Variants in VSTM5 observed in about 807,000 individuals in gnomAD.
VSTM5 encodes V-set and transmembrane domain-containing protein 5.
A neutral mutation model predicts 20.3 loss-of-function variants in VSTM5; 21 were observed. The observed-to-expected ratio is 1.03, with a 90% CI of 0.73 to 1.49. VSTM5 has a LOEUF of 1.49. Among genes scored for constraint, VSTM5 ranks in the 40% most tolerant of loss-of-function variants. The probability of loss-of-function intolerance (pLI) is 0.00; values close to 1 mark genes in which losing one functional copy is unlikely to be tolerated. For missense variants in VSTM5, 219 were observed against 250.0 expected (o/e 0.88, Z 0.84); for synonymous variants, 100 against 102.5 (o/e 0.98, Z 0.14).
intron 1 of VSTM5, among the ~76,000 whole-genome samples, chr11:93,841,665 C>T (rs567128976): frequency 1.3e-5 from 2 of 152,296 alleles, no homozygotes; most frequent in South Asian, 2.1e-4. Context: ...GACCTCAGGG[C>T]GAAGAGGACA....
At chr11:93,847,627 C>T (rs2135741684) in intron 1 of VSTM5, among the ~76,000 whole-genome samples, 1 of 152,370 alleles carries the variant, frequency 6.6e-6, no homozygotes, top group Non-Finnish European at 1.5e-5. Context: ...GGATCAAGTA[C>T]TTCCGAATGA....
intron 1 of VSTM5, among the ~76,000 whole-genome samples, chr11:93,828,114 A>G (rs1944253628): frequency 1.3e-5 from 2 of 152,236 alleles, no homozygotes; most frequent in African/African-American, 4.8e-5. Context: ...AATCTTGGCC[A>G]GCAAAATTTA....
rs549228807 is a variant in VSTM5, at chr11:93,845,336, G to A, written c.91+5076C>T. On this transcript the variant is annotated intron_variant, in intron 1 of 3. Coordinates refer to ENST00000409977, the MANE Select transcript of VSTM5 (RefSeq NM_001144871.2). ...GTCAGCTGAGGATTCTCTGCAGCAG[G>A]GCTCCTCTGGGGTCAGCATGGCACG... 2.6e-5 allele frequency among the ~76,000 whole-genome samples: 4 copies of A among 152,278 alleles called. No individual in the cohort carries two copies. The East Asian group carries it at 5.8e-4, about 22-fold the overall frequency.
intron 1 of VSTM5, among the ~76,000 whole-genome samples, chr11:93,850,108 C>T (rs1199276435): frequency 6.6e-6 from 1 of 152,250 alleles, no homozygotes; most frequent in Non-Finnish European, 1.5e-5. Flanking sequence ...GGGCCACCTT[C>T]CAGCTCTGAT....
chr11:93,833,596 G>A (rs1944299695), intron 1 of VSTM5, among the ~76,000 whole-genome samples: 1 of 152,158 alleles, frequency 6.6e-6, no homozygotes, highest in South Asian at 2.1e-4. Context: ...TATGTGGCTT[G>A]CATGTGAGCC....
chr11:93,838,720 C>G lies in VSTM5; in HGVS notation c.91+11692G>C, dbSNP rs545647060. Among the ~76,000 whole-genome samples the G allele has an allele frequency of 6.6e-5, 10 of 151,968 alleles. No homozygotes were observed. In the South Asian group the frequency reaches 1.7e-3, roughly 25 times the overall value. The stretch of plus-strand genomic sequence containing the variant: ...GCTTAGATGGGGAGGATAACTTGAG[C>G]CTGGGAGGTCAAGGCTACAGTGAGC... On this transcript the variant is annotated intron_variant, in intron 1 of 3. Transcript: ENST00000409977.
At chr11:93,846,309 C>G (rs1944410295) in intron 1 of VSTM5, among the ~76,000 whole-genome samples, 1 of 152,174 alleles carries the variant, frequency 6.6e-6, no homozygotes, top group African/African-American at 2.4e-5. Context: ...TTGCCCCGCT[C>G]CTAGACCAGC....
At chr11:93,830,251 C>T (rs1243976787) in intron 1 of VSTM5, among the ~76,000 whole-genome samples, 2 of 152,174 alleles carry the variant, frequency 1.3e-5, no homozygotes, top group Admixed American at 1.3e-4. Context: ...TGGCAGAATT[C>T]ATAATCTTAC....
chr11:93,821,384 A>G (rs1448230239), intron 1 of VSTM5, 61 bp from the exon 2 acceptor site: 1 of 1,393,718 alleles, frequency 7.2e-7, no homozygotes, highest in African/African-American at 1.4e-5. Context: ...AAGTGAACTT[A>G]TATAATTTGT....
At position 93,819,579 on chromosome 11, in the gene VSTM5, CTGACTG is replaced by C. The variant is rs1269625482; in HGVS notation, c.*984_*989del. The C allele has an allele frequency of 2.6e-5, 4 of 152,344 alleles. No homozygotes were observed. The highest frequency in any genetic ancestry group is 7.2e-5 in the African/African-American group (3 of 41,468). 9.4% of individuals were successfully genotyped at this position (152,344 alleles called of 1,614,324 possible). ...CATACTGTGGGCTTCTCTTGATACT[CTGACTG>C]TGAGGTAGGCAAGGGCCAAGCGTTC... On this transcript the variant is annotated 3_prime_UTR_variant, in exon 4 of 4. Coordinates refer to ENST00000409977, the MANE Select transcript of VSTM5 (RefSeq NM_001144871.2).
At position 93,821,197 on chromosome 11, in the gene VSTM5, CA is replaced by C. The variant is rs1408568790; in HGVS notation, c.217del (p.Trp73GlyfsTer40). On this transcript the variant is annotated frameshift_variant, in exon 2 of 4. Transcript: ENST00000409977. LOFTEE classifies it high-confidence loss of function. ...PTIEWTYSSN[W>X]GTQKIVEWKP... ...CCACTCCACGATCTTCTGCGTTCCC[CA>C]ATTGGATGAATATGTCCATTCGATG... is the stretch of plus-strand genomic sequence containing the variant. 1.3e-6 allele frequency: 2 copies of C among 1,552,030 alleles called. No individual in the cohort carries two copies. The highest frequency in any genetic ancestry group is 2.7e-5 in the African/African-American group (2 of 73,020).
rs1341029168 is a variant in VSTM5, at chr11:93,850,617, A to G, written c.-115T>C. 3.5e-6 allele frequency: 1 copy of G among 285,824 alleles called. No homozygotes were observed. The highest frequency in any genetic ancestry group is 3.0e-5 in the African/African-American group (1 of 33,586). The allele number at this position is 285,824 out of a possible 1,614,324, so 17.7% of individuals were successfully genotyped here. A position where few individuals can be genotyped will look rare whatever the true frequency, so the allele number is the denominator to read the frequency against. ...GCTGCCGCAGGTTCTTTAGGGCCAG[A>G]TGCAGATGAGCTGGTTGTACTCTGG... On this transcript the variant is annotated 5_prime_UTR_variant, in exon 1 of 4. Coordinates refer to ENST00000409977, the MANE Select transcript of VSTM5 (RefSeq NM_001144871.2).
At chr11:93,836,586 T>C (rs974841747) in intron 1 of VSTM5, among the ~76,000 whole-genome samples, 5 of 152,266 alleles carry the variant, frequency 3.3e-5, no homozygotes, top group African/African-American at 9.6e-5. Context: ...CCTTCATTCA[T>C]CCTTCAGATC....
intron 1 of VSTM5, among the ~76,000 whole-genome samples, chr11:93,844,649 T>C (rs766551206): frequency 2.0e-5 from 3 of 152,170 alleles, no homozygotes; most frequent in Non-Finnish European, 4.4e-5. Context: ...GTCCTCACAG[T>C]TCGCCAGTGC....
rs539938549 is a variant in VSTM5, at chr11:93,847,335, G to A, written c.91+3077C>T. Among the ~76,000 whole-genome samples the A allele has an allele frequency of 1.6e-3, 242 of 152,172 alleles. 5 individuals are homozygous for A. The highest frequency in any genetic ancestry group is 5.5e-3 in the African/African-American group (227 of 41,526). ...CAGAGTCTCGTGAAGGGCCTTGAGAGGATTCCTTCTATACTGGCTCCCTCC... is the reference window on the plus strand; with the variant it reads ...CAGAGTCTCGTGAAGGGCCTTGAGAAGATTCCTTCTATACTGGCTCCCTCC... On this transcript the variant is annotated intron_variant, in intron 1 of 3. Coordinates refer to ENST00000409977, the MANE Select transcript of VSTM5 (RefSeq NM_001144871.2).
At chr11:93,821,596 C>T (rs1053943714) in intron 1 of VSTM5, 1 of 447,918 alleles carries the variant, frequency 2.2e-6, no homozygotes, top group African/African-American at 2.0e-5. Flanking sequence ...ACCTTTGTAG[C>T]AAGGTGGACT....
chr11:93,847,425 C>A (rs1426819750), intron 1 of VSTM5, among the ~76,000 whole-genome samples: 1 of 152,232 alleles, frequency 6.6e-6, no homozygotes, highest in Non-Finnish European at 1.5e-5. Context: ...GCTGTGGCAT[C>A]CCTGGGTCTG....
rs192871648 is a variant in VSTM5, at chr11:93,850,060, A to G, written c.91+352T>C. ...AGGAAAAAGAAATAAAAAATGTTGC[A>G]GAGGCGGCGGCCACAGGGCTGGGAG... On this transcript the variant is annotated intron_variant, in intron 1 of 3. Transcript: ENST00000409977. 9.6e-4 allele frequency among the ~76,000 whole-genome samples: 146 copies of G among 152,360 alleles called. 3 individuals are homozygous for G. In the East Asian group the frequency reaches 0.027, roughly 28 times the overall value.
chr11:93,824,254 A>G (rs1327747679), intron 1 of VSTM5, among the ~76,000 whole-genome samples: 1 of 152,012 alleles, frequency 6.6e-6, no homozygotes, highest in African/African-American at 2.4e-5. Context: ...TACTTTTTTC[A>G]TAATAGCTAT....
Sources: gnomAD v4.1 joint callset for allele counts (sites outside exome capture counted in the v4.1 genomes callset) on GRCh38, gnomAD v4.1.1 for gene constraint, MANE v1.5 for transcripts, NCBI Gene and HGNC (gene_info 2026-07-23, HGNC 2026-07-21) for gene names.